Variants in USP43 observed in about 807,000 individuals in gnomAD.
The protein encoded by USP43 is ubiquitin carboxyl-terminal hydrolase 43.
USP43 carries 33 observed loss-of-function variants against 90.7 expected under a neutral mutation model. The observed-to-expected ratio is 0.36, with a 90% CI of 0.28 to 0.49. The LOEUF (loss-of-function observed/expected upper bound fraction) is 0.49. USP43 is among the 20% of genes least tolerant of loss of function. The pLI, the probability that USP43 is intolerant of heterozygous loss-of-function variation, is 0.98. For synonymous variants in USP43, 598 were observed against 615.8 expected (o/e 0.97, Z 0.43); for missense variants, 1,274 against 1,476.4 (o/e 0.86, Z 2.25).
At chr17:9,675,114 T>G in intron 4 of USP43, 131 bp downstream of exon 4, 1 of 767,132 alleles carries the variant, frequency 1.3e-6, no homozygotes, top group Non-Finnish European at 2.3e-6. Context: ...AAACCAGCCT[T>G]ATAGCTGGAT....
intron 8 of USP43, among the ~76,000 whole-genome samples, chr17:9,691,325 T>G (rs1412759246): frequency 1.3e-5 from 2 of 148,904 alleles, no homozygotes; most frequent in African/African-American, 2.6e-5. Context: ...TCCATGTTGG[T>G]CAGGCTGATC....
At chr17:9,723,298 C>T (rs1245093173) in intron 14 of USP43, among the ~76,000 whole-genome samples, 1 of 152,042 alleles carries the variant, frequency 6.6e-6, no homozygotes, top group African/African-American at 2.4e-5. Context: ...TGCCTAGGTG[C>T]GGGTTTTTGT....
chr17:9,668,796 G>C (rs1246394627), intron 3 of USP43, among the ~76,000 whole-genome samples: 1 of 152,108 alleles, frequency 6.6e-6, no homozygotes, highest in Non-Finnish European at 1.5e-5. Context: ...CACCAGCCTT[G>C]AAAGCTATTG....
intron 3 of USP43, among the ~76,000 whole-genome samples, chr17:9,672,032 T>C (rs907255912): frequency 1.3e-5 from 2 of 152,206 alleles, no homozygotes; most frequent in Admixed American, 6.5e-5. Context: ...GTTTTGCTCT[T>C]GTCACCCATG....
In USP43 at chr17:9,680,256, G is replaced by T. The variant is rs1303703015; in HGVS notation, c.995G>T (p.Ser332Ile). Residue 332 changes from serine (S) to isoleucine (I), a missense_variant, in exon 6 of 15, where the codon AGT becomes ATT. Around this residue, in one of 6 missense-constraint regions of USP43, gnomAD observed 259 missense variants for 373.7 expected, o/e 0.69. Transcript: ENST00000285199. ...DEVILVELYP[S>I]GFQRSFFDEE... ...GTGATCTTGGTTGAACTGTATCCCA[G>T]TGGATTCCAGCGGTCTTTCTTTGAT... is the stretch of plus-strand genomic sequence containing the variant. 1 of 1,613,808 alleles carries T rather than the reference G, an allele frequency of 6.2e-7. No homozygotes were observed. The highest frequency in any genetic ancestry group is 1.1e-5 in the South Asian group (1 of 91,070).
At chr17:9,685,049 G>A (rs772923367) in intron 7 of USP43, among the ~76,000 whole-genome samples, 1 of 152,138 alleles carries the variant, frequency 6.6e-6, no homozygotes, top group African/African-American at 2.4e-5. Flanking sequence ...TAGTTCCTGC[G>A]ATAAGCAAGC....
At chr17:9,660,099 C>A (rs985589308) in intron 2 of USP43, among the ~76,000 whole-genome samples, 1 of 152,190 alleles carries the variant, frequency 6.6e-6, no homozygotes, top group Middle Eastern at 3.4e-3. Context: ...GTGCACCACC[C>A]CCAGACCTTT....
rs1294025703 is a variant in USP43 at position 9,647,842 on chromosome 17, A to C, written c.504+1706A>C. ...ACACGGTGAAACCCCGTCTTTACTA[A>C]AAATCCAAAAAAAAAAAAAAAAAAA... On this transcript the variant is annotated intron_variant, in intron 1 of 14. Coordinates refer to ENST00000285199, the MANE Select transcript of USP43 (RefSeq NM_153210.5). Among the ~76,000 whole-genome samples, 9 of 142,236 alleles carry C rather than the reference A, an allele frequency of 6.3e-5. No homozygotes were observed. In the East Asian group the frequency reaches 1.5e-3, roughly 24 times the overall value. 93.3% of individuals were successfully genotyped at this position (142,236 alleles called of 152,430 possible). A position where few individuals can be genotyped will look rare whatever the true frequency, so the allele number is the denominator to read the frequency against.
At chr17:9,662,175 G>C (rs1912687823) in intron 2 of USP43, among the ~76,000 whole-genome samples, 1 of 152,078 alleles carries the variant, frequency 6.6e-6, no homozygotes, top group Non-Finnish European at 1.5e-5. Flanking sequence ...CCTATTCCTT[G>C]GTAGGTGAGG....
At chr17:9,665,442 G>A (rs1912975753) in intron 2 of USP43, among the ~76,000 whole-genome samples, 1 of 152,160 alleles carries the variant, frequency 6.6e-6, no homozygotes, top group Non-Finnish European at 1.5e-5. Flanking sequence ...GGTGTCAGGA[G>A]AGAGAGGAGT....
chr17:9,649,220 T>C (rs987816967), intron 1 of USP43, among the ~76,000 whole-genome samples: 1 of 152,058 alleles, frequency 6.6e-6, no homozygotes, highest in Admixed American at 6.6e-5. Context: ...GACAGGCGAA[T>C]TGCTTGAACC....
intron 12 of USP43, among the ~76,000 whole-genome samples, chr17:9,702,232 T>C (rs371784551): frequency 1.3e-5 from 2 of 152,028 alleles, no homozygotes; most frequent in African/African-American, 4.8e-5. Flanking sequence ...AGCTAGGCAT[T>C]GTGGCTTACA....
intron 14 of USP43, among the ~76,000 whole-genome samples, chr17:9,718,771 C>T (rs1458684123): frequency 1.3e-5 from 2 of 150,692 alleles, no homozygotes; most frequent in East Asian, 2.0e-4. Context: ...ACCCGGGAGA[C>T]GGAGGTTGTG....
At chr17:9,726,907 A>C (rs1439352894) in intron 14 of USP43, among the ~76,000 whole-genome samples, 1 of 151,936 alleles carries the variant, frequency 6.6e-6, no homozygotes, top group African/African-American at 2.4e-5. Context: ...TTTCTCAATG[A>C]TTGCAGACAT....
intron 14 of USP43, 52 bp from the exon 15 acceptor site, chr17:9,727,902 C>T: frequency 6.5e-7 from 1 of 1,541,904 alleles, no homozygotes; most frequent in East Asian, 2.3e-5. Flanking sequence ...AGATGACTGG[C>T]ATTTCAGCTG....
At chr17:9,727,403 T>C (rs1390729913) in intron 14 of USP43, among the ~76,000 whole-genome samples, 1 of 152,234 alleles carries the variant, frequency 6.6e-6, no homozygotes, top group African/African-American at 2.4e-5. Flanking sequence ...ATTTGTATGT[T>C]TTCACATGCA....
chr17:9,646,474 A>G (rs1911407652), intron 1 of USP43, among the ~76,000 whole-genome samples: 1 of 151,976 alleles, frequency 6.6e-6, no homozygotes, highest in Non-Finnish European at 1.5e-5. Context: ...TCCAGTCTGG[A>G]ATGATGTGGG....
In USP43 at chr17:9,676,896, C is replaced by T. The variant is rs776461829; in HGVS notation, c.969+15C>T. The T allele has an allele frequency of 2.5e-6, 4 of 1,611,226 alleles. No individual in the cohort carries two copies. On this transcript the variant is annotated intron_variant, in intron 5 of 14. Transcript: ENST00000285199. ...CTGCAGATGAGGTGTGATAGAATTG[C>T]ACTGGGGCCTGGTCATTGGATGATA...
chr17:9,705,650 G>A (rs1235056879), intron 12 of USP43, among the ~76,000 whole-genome samples: 2 of 151,794 alleles, frequency 1.3e-5, no homozygotes, highest in Non-Finnish European at 2.9e-5. Flanking sequence ...AGCTACTCGG[G>A]GGGCTGAGGC....
Sources: allele counts gnomAD v4.1 joint callset (sites outside exome capture counted in the v4.1 genomes callset), GRCh38; gene constraint gnomAD v4.1.1; regional missense constraint gnomAD v4.1.1; transcripts MANE v1.5; gene names NCBI Gene and HGNC (gene_info 2026-07-23, HGNC 2026-07-21).